The following JAK1 variants were observed in gnomAD, a reference collection of about 807,000 sequenced individuals.
JAK1 encodes the protein tyrosine-protein kinase JAK1.
A neutral mutation model predicts 136.6 loss-of-function variants in JAK1; 16 were observed. The ratio of observed to expected loss-of-function variants is 0.12; its 90% CI spans 0.08 to 0.18. JAK1 has a LOEUF of 0.18. Among genes scored for constraint, JAK1 ranks in the 10% least tolerant of loss-of-function variants. The pLI is 1.00. For missense variants in JAK1, 859 were observed against 1,450.1 expected (o/e 0.59, Z 6.62); for synonymous variants, 492 against 519.5 (o/e 0.95, Z 0.72).
intron 1 of JAK1, among the ~76,000 whole-genome samples, chr1:64,964,007 A>G (rs540379025): frequency 6.6e-6 from 1 of 152,276 alleles, no homozygotes; most frequent in Admixed American, 6.5e-5. Context: ...GCAAAATCAT[A>G]CCCTTACTAG....
chr1:64,910,205 T>G (rs1009894053), intron 1 of JAK1, among the ~76,000 whole-genome samples: 1 of 152,206 alleles, frequency 6.6e-6, no homozygotes. Context: ...ATACGTATTT[T>G]TAAAATCCAG....
intron 5 of JAK1, among the ~76,000 whole-genome samples, chr1:64,873,139 GA>G (rs1433178236): frequency 6.6e-6 from 1 of 152,150 alleles, no homozygotes; most frequent in African/African-American, 2.4e-5. Flanking sequence ...AAAGGAATAG[GA>G]AAGAAAGGAA....
At chr1:64,836,327 AT>A in intron 22 of JAK1, 112 bp from the exon 23 acceptor site, 3 of 710,912 alleles carry the variant, frequency 4.2e-6, no homozygotes, top group Non-Finnish European at 7.7e-6. Flanking sequence ...TTAATACAGC[AT>A]CTGACTGTGT....
chr1:65,018,507 C>A (rs1173936383), intron 2 of JAK1, among the ~76,000 whole-genome samples: 1 of 151,688 alleles, frequency 6.6e-6, no homozygotes, highest in Non-Finnish European at 1.5e-5. Flanking sequence ...CACACACACA[C>A]ACACACACAC....
At position 64,892,278 on chromosome 1, in the gene JAK1, C is replaced by CT. The variant is rs1040255202; in HGVS notation, c.-77-5938dup. 3.3e-4 allele frequency among the ~76,000 whole-genome samples: 50 copies of CT among 151,834 alleles called. 1 individual carries two copies. Among genetic ancestry groups the CT allele is most frequent in the Non-Finnish European group, 5.4e-4 (37 of 67,906 alleles). ...GAATGGCTTGTCTTCATAGTATGTG[C>CT]TTTTTTGGGGGGGATGGAGGGGGAT... is the stretch of plus-strand genomic sequence containing the variant. On this transcript the variant is annotated intron_variant, in intron 1 of 24. Coordinates refer to ENST00000342505, the MANE Select transcript of JAK1 (RefSeq NM_002227.4).
chr1:64,843,058 C>T (rs991270672), intron 17 of JAK1, among the ~76,000 whole-genome samples: 1 of 152,162 alleles, frequency 6.6e-6, no homozygotes, highest in African/African-American at 2.4e-5. Context: ...GACCTCCAAG[C>T]CCCTCCCTCC....
intron 2 of JAK1, among the ~76,000 whole-genome samples, chr1:64,980,973 A>T (rs906976308): frequency 6.6e-6 from 1 of 152,166 alleles, no homozygotes; most frequent in African/African-American, 2.4e-5. Context: ...CCAGTCTATC[A>T]TTGTTGGGCA....
chr1:65,024,834 A>C (rs1465767067), intron 2 of JAK1, among the ~76,000 whole-genome samples: 2 of 152,032 alleles, frequency 1.3e-5, no homozygotes, highest in African/African-American at 4.8e-5. Flanking sequence ...AAAATTAGCC[A>C]GTCGTGGTGG....
chr1:64,884,132 C>A (rs2101277848), intron 2 of JAK1, among the ~76,000 whole-genome samples: 1 of 152,222 alleles, frequency 6.6e-6, no homozygotes, highest in Non-Finnish European at 1.5e-5. Context: ...TTTGACGCAG[C>A]ACCAGGAGGG....
intron 2 of JAK1, among the ~76,000 whole-genome samples, chr1:65,026,190 G>A (rs1251250749): frequency 1.3e-5 from 2 of 152,070 alleles, no homozygotes; most frequent in Non-Finnish European, 2.9e-5. Context: ...TTTCCAGATG[G>A]GACTGCAGAG....
At chr1:64,946,403 C>T (rs192355432) in intron 1 of JAK1, among the ~76,000 whole-genome samples, 3 of 152,300 alleles carry the variant, frequency 2.0e-5, no homozygotes, top group South Asian at 4.1e-4. Flanking sequence ...TAGGTAACTT[C>T]CCCAAAGTCA....
chr1:65,047,066 G>A (rs1483058557), intron 1 of JAK1, among the ~76,000 whole-genome samples: 3 of 151,722 alleles, frequency 2.0e-5, no homozygotes, highest in African/African-American at 7.3e-5. Flanking sequence ...GCACATACCT[G>A]TAGTCCTAGT....
chr1:64,877,301 T>A (rs1644688504), intron 4 of JAK1, among the ~76,000 whole-genome samples: 1 of 152,208 alleles, frequency 6.6e-6, no homozygotes, highest in African/African-American at 2.4e-5. Context: ...TAGTTTGTCA[T>A]CAGGCAAATG....
intron 1 of JAK1, among the ~76,000 whole-genome samples, chr1:64,956,720 T>G (rs1045082358): frequency 6.6e-6 from 1 of 152,074 alleles, no homozygotes; most frequent in African/African-American, 2.4e-5. Context: ...CAACCAGTAT[T>G]TGGGGGAGGT....
In JAK1 at chr1:64,844,994, T is replaced by C; in HGVS notation, c.2116-105A>G. The C allele has an allele frequency of 6.7e-7, 1 of 1,483,442 alleles. No individual in the cohort carries two copies. The highest frequency in any genetic ancestry group is 2.3e-5 in the East Asian group (1 of 43,962). 91.9% of individuals were successfully genotyped at this position (1,483,442 alleles called of 1,614,324 possible). On this transcript the variant is annotated intron_variant, in intron 15 of 24. Coordinates refer to ENST00000342505, the MANE Select transcript of JAK1 (RefSeq NM_002227.4). The surrounding 1 kb of genome is among the most constrained non-coding windows in gnomAD (Gnocchi z 5.7). Reference sequence around the variant, plus strand: ...CTTCCTACCCCCAGCTACAGCCAGATCTGGACAGCCTGGCCCTGCTGCCAA... The same window carrying C: ...CTTCCTACCCCCAGCTACAGCCAGACCTGGACAGCCTGGCCCTGCTGCCAA...
At chr1:65,010,776 C>A (rs1230788280) in intron 2 of JAK1, among the ~76,000 whole-genome samples, 8 of 152,130 alleles carry the variant, frequency 5.3e-5, no homozygotes, top group Non-Finnish European at 1.0e-4. Context: ...TTGAGACCAG[C>A]TGGGCAATAT....
chr1:65,013,233 T>C (rs1646864729), intron 2 of JAK1, among the ~76,000 whole-genome samples: 1 of 148,502 alleles, frequency 6.7e-6, no homozygotes, highest in East Asian at 2.0e-4. Flanking sequence ...CCATCTCTAC[T>C]AAAAATATAA....
intron 1 of JAK1, chr1:64,941,923 AGCCCTACCGACTGGAGCCCAGTCG>A (rs1645897239): frequency 6.6e-6 from 1 of 152,170 alleles, no homozygotes; most frequent in Non-Finnish European, 1.5e-5. Context: ...CCCTAGAGAA[AGCCCTACCGACTGGAGCCCAGTCG>A]GCCTGGAGCG....
intron 2 of JAK1, among the ~76,000 whole-genome samples, chr1:65,006,258 C>T (rs1465008203): frequency 3.9e-5 from 6 of 152,200 alleles, no homozygotes; most frequent in Non-Finnish European, 8.8e-5. Flanking sequence ...TCCACACAGA[C>T]TGAAATATTT....
Sources: allele counts gnomAD v4.1 joint callset (sites outside exome capture counted in the v4.1 genomes callset), GRCh38; gene constraint gnomAD v4.1.1; non-coding constraint Gnocchi (gnomAD v3.1); transcripts MANE v1.5; gene names NCBI Gene and HGNC (gene_info 2026-07-23, HGNC 2026-07-21).